Variants in MACF1 observed in about 807,000 individuals in gnomAD.
The protein encoded by MACF1 is microtubule-actin cross-linking factor 1.
A neutral mutation model predicts 854.8 loss-of-function variants in MACF1; 193 were observed. That is an observed-to-expected ratio of 0.23 (90% CI 0.20 to 0.25). The LOEUF is 0.25. MACF1 is among the 10% of genes least tolerant of loss of function. The pLI is 1.00. For missense variants in MACF1, 7,722 were observed against 8,929.1 expected, an observed-to-expected ratio of 0.86 and a Z score of 5.45; for synonymous variants, 3,185 against 3,226.7, an observed-to-expected ratio of 0.99 and a Z score of 0.44.
At chr1:39,361,164 G>T (rs1266079086) in intron 48 of MACF1, among the ~76,000 whole-genome samples, 163 bp downstream of exon 48, 2 of 152,218 alleles carry the variant, frequency 1.3e-5, no homozygotes, top group Non-Finnish European at 2.9e-5. Flanking sequence ...ACCCAGTTGA[G>T]CTGGAATGAA....
At chr1:39,433,876 T>A (rs1215829005) in intron 68 of MACF1, among the ~76,000 whole-genome samples, 1 of 152,148 alleles carries the variant, frequency 6.6e-6, no homozygotes, top group Non-Finnish European at 1.5e-5. Flanking sequence ...GGTCAGGAGT[T>A]CGAGACCAGC....
At chr1:39,468,283 G>A (rs1644709756) in intron 95 of MACF1, 1 of 192,090 alleles carries the variant, frequency 5.2e-6, no homozygotes, top group Non-Finnish European at 1.1e-5. Context: ...CAGCTACTCG[G>A]GAGGCTGAGG....
At chr1:39,237,282 C>T (rs1055028103) in intron 2 of MACF1, among the ~76,000 whole-genome samples, 7 of 152,212 alleles carry the variant, frequency 4.6e-5, no homozygotes, top group African/African-American at 1.7e-4. Flanking sequence ...CTCTGTTCCT[C>T]AGATTAAATC....
At chr1:39,196,850 TGA>T (rs1412769271) in intron 2 of MACF1, among the ~76,000 whole-genome samples, 2 of 152,288 alleles carry the variant, frequency 1.3e-5, no homozygotes, top group Admixed American at 6.5e-5. Flanking sequence ...TGCCTTGTGT[TGA>T]GATTTCTTGT....
At chr1:39,225,843 G>C (rs989786422) in intron 1 of MACF1, among the ~76,000 whole-genome samples, 4 of 152,062 alleles carry the variant, frequency 2.6e-5, no homozygotes, top group Non-Finnish European at 5.9e-5. Context: ...GTTAAACTAG[G>C]GATTTATGTG....
In MACF1 at chr1:39,105,585, C is replaced by A; in HGVS notation, c.220+21147C>A. The A allele has an allele frequency of 8.4e-7, 1 of 1,193,688 alleles. No homozygotes were observed. The highest frequency in any genetic ancestry group is 1.1e-6 in the Non-Finnish European group (1 of 940,276). The allele number at this position is 1,193,688 out of a possible 1,614,324, so 73.9% of individuals were successfully genotyped here. On this transcript the variant is annotated intron_variant, in intron 2 of 93. Coordinates refer to the MACF1 transcript ENST00000361689. The surrounding 1 kb of genome is among the most constrained non-coding windows in gnomAD (Gnocchi z 5.9). Reference sequence around the variant, plus strand: ...CCTCAGCGCGCGGGCCTGGAACCGGCAGCCCCCGGGGCTCGGCGAGAAGGC... The same window carrying A: ...CCTCAGCGCGCGGGCCTGGAACCGGAAGCCCCCGGGGCTCGGCGAGAAGGC...
At position 39,230,975 on chromosome 1, in the gene MACF1, G is replaced by A. The variant is rs2490951; in HGVS notation, c.110-207G>A. Among the ~76,000 whole-genome samples, 146,725 of 152,266 alleles carry A rather than the reference G, an allele frequency of 0.96. 70,856 individuals are homozygous for A. The highest frequency in any genetic ancestry group is 1 in the East Asian group (5,168 of 5,184). On this transcript the variant is annotated intron_variant, in intron 1 of 100. Transcript: ENST00000564288. ...CATGGTATGATTTTTGAGGCACGTGGTGATTCTGTCTGATTTGTAAACTGA... is the reference window on the plus strand; with the variant it reads ...CATGGTATGATTTTTGAGGCACGTGATGATTCTGTCTGATTTGTAAACTGA...
intron 35 of MACF1, 54 bp downstream of exon 35, chr1:39,324,788 T>C (rs557631857): frequency 7.5e-7 from 1 of 1,327,748 alleles, no homozygotes; most frequent in African/African-American, 1.4e-5. Context: ...TCTATCAGTC[T>C]AAAACTTACA....
At chr1:39,237,493 G>A (rs943935048) in intron 2 of MACF1, among the ~76,000 whole-genome samples, 2 of 152,190 alleles carry the variant, frequency 1.3e-5, no homozygotes, top group African/African-American at 2.4e-5. Flanking sequence ...GTGTTATAGC[G>A]TATGAAGCAC....
chr1:39,251,887 C>T lies in MACF1; in HGVS notation c.303C>T (p.Pro101=), dbSNP rs1645043548. The change falls in exon 4 of 101, where the codon CCC becomes CCT. Residue 101 remains proline, a synonymous_variant. Coordinates refer to ENST00000564288, the MANE Select transcript of MACF1 (RefSeq NM_001394062.1). The stretch of plus-strand genomic sequence containing the variant: ...AGACCCTCCGTCTGGTGAGCATGCC[C>T]TCCTGGTGCCATACAAACAACGAGG... ...GLKTLRLVSM[P]SWCHTNNEEQ... The T allele has an allele frequency of 1.3e-6, 2 of 1,518,314 alleles. No homozygotes were observed. The highest frequency in any genetic ancestry group is 2.5e-5 in the East Asian group (1 of 39,364). 94.1% of individuals were successfully genotyped at this position (1,518,314 alleles called of 1,614,324 possible). A position where few individuals can be genotyped will look rare whatever the true frequency, so the allele number is the denominator to read the frequency against.
intron 2 of MACF1, among the ~76,000 whole-genome samples, chr1:39,088,133 C>T (rs897528409): frequency 2.0e-5 from 3 of 152,080 alleles, no homozygotes; most frequent in East Asian, 1.9e-4. Flanking sequence ...CCACCTTGCC[C>T]GGCTAATTTT....
chr1:39,303,087 G>A lies in MACF1; in HGVS notation c.2789+9G>A. ...ATTGAGATGGCCAGCAGGTAACTTG[G>A]CTCAGCTGCCACTGGTACACCCACC... On this transcript the variant is annotated intron_variant, in intron 23 of 100. Coordinates refer to ENST00000564288, the MANE Select transcript of MACF1 (RefSeq NM_001394062.1). 1 of 1,612,964 alleles carries A rather than the reference G, an allele frequency of 6.2e-7. No individual in the cohort carries two copies. Among genetic ancestry groups the A allele is most frequent in the Non-Finnish European group, 8.5e-7 (1 of 1,179,380 alleles).
intron 18 of MACF1, among the ~76,000 whole-genome samples, chr1:39,293,998 C>G (rs1338349587): frequency 6.6e-6 from 1 of 152,040 alleles, no homozygotes; most frequent in Non-Finnish European, 1.5e-5. Context: ...TCTGGACCTC[C>G]ATAAAATGAG....
chr1:39,313,921 C>T lies in MACF1; in HGVS notation c.3271-1592C>T, dbSNP rs906540894. ...ATGGGTCATGATGCCCATTGAAGTT[C>T]TTTCTTTTTGACAAAATAAGATCTT... On this transcript the variant is annotated intron_variant, in intron 26 of 100. Coordinates refer to ENST00000564288, the MANE Select transcript of MACF1 (RefSeq NM_001394062.1). Among the ~76,000 whole-genome samples the T allele has an allele frequency of 6.6e-5, 10 of 152,144 alleles. No individual in the cohort carries two copies. In the South Asian group the frequency reaches 2.1e-3, roughly 32 times the overall value.
chr1:39,464,811 G>GTA (rs1415780744), intron 94 of MACF1: 1 of 384,348 alleles, frequency 2.6e-6, no homozygotes, highest in African/African-American at 2.1e-5. Flanking sequence ...CTACTAGGGA[G>GTA]GCTGAGGCAG....
chr1:39,134,034 C>CTTTTTTTTT (rs754585049), intron 2 of MACF1, among the ~76,000 whole-genome samples: 5 of 71,634 alleles, frequency 7.0e-5, no homozygotes, highest in Admixed American at 2.3e-4. Flanking sequence ...GAAGAACAGT[C>CTTTTTTTTT]TTTTTTTTTT....
At position 39,430,001 on chromosome 1, in the gene MACF1, A is replaced by C. The variant is rs1643845241; in HGVS notation, c.17063A>C (p.Glu5688Ala). ...LTGWLREVEEELATSGGQSPT... is the reference protein window; with the variant it reads ...LTGWLREVEEALATSGGQSPT... Reference sequence around the variant, plus strand: ...GGGTGGCTGAGGGAGGTGGAGGAGGAGCTGGCAACCAGTGGAGGACAGTCT... The same window carrying C: ...GGGTGGCTGAGGGAGGTGGAGGAGGCGCTGGCAACCAGTGGAGGACAGTCT... The change falls in exon 65 of 101, where the codon GAG becomes GCG. Residue 5688 changes from glutamate (E) to alanine (A), a missense_variant. Physicochemically the swap from Glu to Ala is moderately radical, Grantham distance 107. Coordinates refer to ENST00000564288, the MANE Select transcript of MACF1 (RefSeq NM_001394062.1). The C allele has an allele frequency of 6.2e-7, 1 of 1,613,854 alleles. No homozygotes were observed.
At position 39,269,502 on chromosome 1, in the gene MACF1, C is replaced by A. The variant is rs1393015781; in HGVS notation, c.528+11474C>A. 7 of 1,289,668 alleles carry A rather than the reference C, an allele frequency of 5.4e-6. No homozygotes were observed. In the Admixed American group the frequency reaches 1.6e-4, roughly 30 times the overall value. 79.9% of individuals were successfully genotyped at this position (1,289,668 alleles called of 1,614,324 possible). A position where few individuals can be genotyped will look rare whatever the true frequency, so the allele number is the denominator to read the frequency against. On this transcript the variant is annotated intron_variant, in intron 6 of 100. Transcript: ENST00000564288. ...TTCCCATGTGGGTCAAGTGCCCCCCCAGGATTCCAGACTGCCTACTTCTCA... is the reference window on the plus strand; with the variant it reads ...TTCCCATGTGGGTCAAGTGCCCCCCAAGGATTCCAGACTGCCTACTTCTCA...
chr1:39,152,615 A>T (rs1643603747), intron 2 of MACF1, among the ~76,000 whole-genome samples: 1 of 152,194 alleles, frequency 6.6e-6, no homozygotes, highest in South Asian at 2.1e-4. Context: ...ACAGTAAAAA[A>T]GTTCCTCAGA....
Sources: allele counts gnomAD v4.1 joint callset (sites outside exome capture counted in the v4.1 genomes callset), GRCh38; gene constraint gnomAD v4.1.1; non-coding constraint Gnocchi (gnomAD v3.1); transcripts MANE v1.5; gene names NCBI Gene and HGNC (gene_info 2026-07-23, HGNC 2026-07-21).